The following RANBP2 variants were observed in gnomAD, a reference collection of about 807,000 sequenced individuals.
RANBP2 encodes RAN binding protein 2.
Under a neutral mutation model 303.6 loss-of-function variants are expected in RANBP2, and 57 were observed. That is an observed-to-expected ratio of 0.19 (90% CI 0.15 to 0.23). RANBP2 has a LOEUF of 0.23. Among genes scored for constraint, RANBP2 ranks in the 10% least tolerant of loss-of-function variants. RANBP2 has a pLI of 1.00. For missense variants in RANBP2, 3,138 were observed against 3,780.8 expected (o/e 0.83, Z 4.46); for synonymous variants, 1,167 against 1,301.5 (o/e 0.90, Z 2.23).
At chr2:109,073,744 A>C in the RANBP2 span, among the ~76,000 whole-genome samples, 6 of 150,234 alleles carry the variant, frequency 4.0e-5, 1 homozygote, top group Admixed American at 2.0e-4. Context: ...AAACTAATGA[A>C]CACCACCCAG....
the RANBP2 span, among the ~76,000 whole-genome samples, chr2:109,260,264 G>A: frequency 1.3e-5 from 2 of 152,084 alleles, no homozygotes; most frequent in East Asian, 3.9e-4. Context: ...GCAAACTGAC[G>A]CCTAAACCCA....
chr2:108,812,506 A>G, the RANBP2 span: 3 of 684,048 alleles, frequency 4.4e-6, no homozygotes, highest in African/African-American at 5.3e-5. Flanking sequence ...TTAATCATGA[A>G]TGCTGTCTCT....
chr2:109,648,696 C>T, the RANBP2 span, among the ~76,000 whole-genome samples: 10 of 150,624 alleles, frequency 6.6e-5, no homozygotes, highest in Admixed American at 2.0e-4. Flanking sequence ...CTCTGTTGCC[C>T]AGGCTGGAGT....
the RANBP2 span, among the ~76,000 whole-genome samples, chr2:109,508,719 C>A: frequency 6.6e-6 from 1 of 152,166 alleles, no homozygotes; most frequent in African/African-American, 2.4e-5. Context: ...GATGGCCTGG[C>A]TTCACCCACT....
chr2:109,682,128 A>G, the RANBP2 span, among the ~76,000 whole-genome samples: 1 of 152,214 alleles, frequency 6.6e-6, no homozygotes, highest in Non-Finnish European at 1.5e-5. Context: ...ATTACTGTAA[A>G]TGGTGAGATA....
chr2:109,604,378 A>G, the RANBP2 span, among the ~76,000 whole-genome samples: 2 of 9,404 alleles, frequency 2.1e-4, no homozygotes, highest in Non-Finnish European at 4.2e-4. Flanking sequence ...GAAAGAAGGG[A>G]AGGGAAGGGG....
chr2:109,063,057 C>T, the RANBP2 span, among the ~76,000 whole-genome samples: 1 of 152,200 alleles, frequency 6.6e-6, no homozygotes, highest in Non-Finnish European at 1.5e-5. Flanking sequence ...GCCTTCCTCG[C>T]CTTGTCCACC....
the RANBP2 span, among the ~76,000 whole-genome samples, chr2:108,867,583 T>C: frequency 8.5e-5 from 13 of 152,170 alleles, no homozygotes; most frequent in Non-Finnish European, 1.5e-5. Context: ...ATAGCTCATC[T>C]TGAGTGCATT....
chr2:109,725,252 G>A, the RANBP2 span, among the ~76,000 whole-genome samples: 2 of 152,142 alleles, frequency 1.3e-5, no homozygotes. Context: ...CCTCCCACCT[G>A]AGCCCAGATA....
the RANBP2 span, among the ~76,000 whole-genome samples, chr2:109,259,515 A>C: frequency 1.3e-5 from 2 of 150,924 alleles, no homozygotes; most frequent in Non-Finnish European, 3.0e-5. Context: ...CAAAGTCAGG[A>C]CTCTCCGGGG....
chr2:108,896,101 C>T, the RANBP2 span: 1 of 152,174 alleles, frequency 6.6e-6, no homozygotes. Flanking sequence ...ACAGGGTTCC[C>T]AGGCCAAAGA....
chr2:109,406,263 A>G, the RANBP2 span, among the ~76,000 whole-genome samples: 3 of 152,016 alleles, frequency 2.0e-5, no homozygotes, highest in African/African-American at 4.8e-5. Context: ...CAACTCCACT[A>G]TGACACATTT....
At chr2:109,078,124 T>C in the RANBP2 span, among the ~76,000 whole-genome samples, 1 of 88,622 alleles carries the variant, frequency 1.1e-5, no homozygotes, top group African/African-American at 4.5e-5. Context: ...ATATAGCGTG[T>C]ATATATATAT....
chr2:109,602,363 TA>T, the RANBP2 span, among the ~76,000 whole-genome samples: 4 of 152,140 alleles, frequency 2.6e-5, no homozygotes, highest in Admixed American at 2.6e-4. Context: ...CCTGTGGAAC[TA>T]AATCTCAAGG....
At chr2:109,317,906 C>T in the RANBP2 span, among the ~76,000 whole-genome samples, 1 of 89,696 alleles carries the variant, frequency 1.1e-5, no homozygotes, top group East Asian at 1.7e-3. Context: ...TGGCCAGCAG[C>T]AGCTCGCTGG....
chr2:109,132,532 G>A, the RANBP2 span, among the ~76,000 whole-genome samples: 2 of 152,304 alleles, frequency 1.3e-5, no homozygotes, highest in South Asian at 4.2e-4. Context: ...TGTGGAGTCA[G>A]TTAACGATGC....
At chr2:109,719,007 TA>T in the RANBP2 span, among the ~76,000 whole-genome samples, 2,635 of 22,598 alleles carry the variant, frequency 0.12, 101 homozygotes, top group African/African-American at 0.2. Context: ...AGACTCCATC[TA>T]AAAAAAAAAA....
the RANBP2 span, among the ~76,000 whole-genome samples, chr2:109,134,922 C>T: frequency 6.6e-6 from 1 of 152,218 alleles, no homozygotes; most frequent in East Asian, 1.9e-4. Flanking sequence ...ACAGGCAGCT[C>T]TATTAATATG....
the RANBP2 span, among the ~76,000 whole-genome samples, chr2:109,249,917 C>A: frequency 1.3e-5 from 2 of 151,802 alleles, no homozygotes; most frequent in African/African-American, 4.8e-5. Context: ...ATCTCCTGAC[C>A]TCATGATCCA....
Sources: gnomAD v4.1 joint callset for allele counts (sites outside exome capture counted in the v4.1 genomes callset) on GRCh38, gnomAD v4.1.1 for gene constraint, MANE v1.5 for transcripts, NCBI Gene and HGNC (gene_info 2026-07-23, HGNC 2026-07-21) for gene names.